RGR: variants seen among roughly 807,000 people sequenced by gnomAD.
The protein encoded by RGR is retinal G protein coupled receptor, also known as RPE-retinal G protein-coupled receptor.
RGR carries 30 observed loss-of-function variants against 28.6 expected under a neutral mutation model. The ratio of observed to expected loss-of-function variants is 1.05; its 90% confidence interval spans 0.78 to 1.42. The LOEUF (loss-of-function observed/expected upper bound fraction) is 1.42, where lower values mean the gene tolerates loss of function less well. Ranked by LOEUF, RGR falls within the 40% of genes most tolerant of loss-of-function variation. RGR has a pLI of 0.00. For synonymous variants in RGR, 180 were observed against 156.4 expected, an observed-to-expected ratio of 1.15 and a Z score of -1.13; for missense variants, 404 against 375.6, an observed-to-expected ratio of 1.08 and a Z score of -0.62.
chr10:84,247,894 T>C, intron 2 of RGR, 147 bp downstream of exon 2: 1 of 1,124,584 alleles, frequency 8.9e-7, no homozygotes. Flanking sequence ...TGGGCTGAAT[T>C]CCAGATTGAT....
chr10:84,251,695 A>G (rs1842820480), intron 3 of RGR, among the ~76,000 whole-genome samples: 1 of 152,206 alleles, frequency 6.6e-6, no homozygotes, highest in South Asian at 2.1e-4. Context: ...TGGCGCATGC[A>G]GCATGTCCAG....
rs887494499 is a variant in RGR, at chr10:84,254,218, TG to T, written c.513-104del. On this transcript the variant is annotated intron_variant, in intron 4 of 6. Transcript: ENST00000652092. ...CAACCACACTGCGAGCTTGTCTGAA[TG>T]GGGCATTTCCCCACAACCGATCATC... The T allele has an allele frequency of 1.5e-5, 14 of 949,752 alleles. No homozygotes were observed. In the Admixed American group the frequency reaches 1.7e-4, roughly 12 times the overall value. 58.8% of individuals were successfully genotyped at this position (949,752 alleles called of 1,614,324 possible).
Position 84,259,186 on chromosome 10 carries a change from A to C in RGR, c.*547A>C. On this transcript the variant is annotated 3_prime_UTR_variant, in exon 7 of 7. Transcript: ENST00000652092. The stretch of plus-strand genomic sequence containing the variant: ...AAAATAATGACCTCCAGTTTCATCC[A>C]TGTTGCTGCAAAAGACATGATCTCG... 6.0e-6 allele frequency: 1 copy of C among 167,050 alleles called. No homozygotes were observed. The highest frequency in any genetic ancestry group is 1.3e-5 in the Non-Finnish European group (1 of 75,438). 10.3% of individuals were successfully genotyped at this position (167,050 alleles called of 1,614,324 possible).
rs370093867 is a variant in RGR, at chr10:84,257,853, C to T, written c.631-40C>T. 1.0e-4 allele frequency: 162 copies of T among 1,592,814 alleles called. No homozygotes were observed. In the African/African-American group the frequency reaches 2.1e-3, roughly 20 times the overall value. On this transcript the variant is annotated intron_variant, in intron 5 of 6. Coordinates refer to ENST00000652092, the MANE Select transcript of RGR (RefSeq NM_001012720.2). ...TTGGCCACATAGGGCTGTGGGCCAC[C>T]TGGAGCAAGCTGACATCTCCTGTGA... is the stretch of plus-strand genomic sequence containing the variant.
Position 84,258,022 on chromosome 10 carries a change from G to C in RGR, c.744+16G>C. 6.2e-7 allele frequency: 1 copy of C among 1,604,386 alleles called. No individual in the cohort carries two copies. Among genetic ancestry groups the C allele is most frequent in the Non-Finnish European group, 8.5e-7 (1 of 1,171,348 alleles). Reference sequence around the variant, plus strand: ...ACTGCAGATGGTACAGATACTTCTAGTACCTAAAACTAGACCCCTCTCCAT... The same window carrying C: ...ACTGCAGATGGTACAGATACTTCTACTACCTAAAACTAGACCCCTCTCCAT... On this transcript the variant is annotated intron_variant, in intron 6 of 6. Coordinates refer to ENST00000652092, the MANE Select transcript of RGR (RefSeq NM_001012720.2).
intron 5 of RGR, 82 bp from the exon 6 acceptor site, chr10:84,257,811 G>C (rs1209082934): frequency 2.5e-6 from 3 of 1,192,724 alleles, no homozygotes; most frequent in Non-Finnish European, 2.5e-6. Context: ...GCCCTGCTGA[G>C]TGCTGACCTG....
chr10:84,247,847 G>C (rs1234087319), intron 2 of RGR, 100 bp downstream of exon 2: 3 of 1,569,934 alleles, frequency 1.9e-6, no homozygotes, highest in Non-Finnish European at 2.6e-6. Flanking sequence ...ACTACTTACA[G>C]AAAATTGGCC....
intron 1 of RGR, 34 bp from the exon 2 acceptor site, chr10:84,247,557 C>T: frequency 6.2e-7 from 1 of 1,612,802 alleles, no homozygotes. Context: ...TGGGCCTCAG[C>T]AGCCCCAATG....
Position 84,247,760 on chromosome 10 carries a change from T to A in RGR, c.236+13T>A, listed in dbSNP as rs749929574. ...CCAGCCTTCTCCGGTACCAGCCCCC[T>A]CCCCAGTCCACAGGCTCTGGGGTCC... On this transcript the variant is annotated intron_variant, in intron 2 of 6. Transcript: ENST00000652092. 1 of 1,613,886 alleles carries A rather than the reference T, an allele frequency of 6.2e-7. No individual in the cohort carries two copies. Among genetic ancestry groups the A allele is most frequent in the Admixed American group, 1.7e-5 (1 of 60,016 alleles).
At chr10:84,253,357 C>T (rs1197521544) in intron 4 of RGR, among the ~76,000 whole-genome samples, 1 of 152,180 alleles carries the variant, frequency 6.6e-6, no homozygotes, top group Non-Finnish European at 1.5e-5. Context: ...TGGCTCTGAC[C>T]TCATCAATTT....
Position 84,258,802 on chromosome 10 carries a change from A to G in RGR, c.*163A>G, listed in dbSNP as rs1842920884. On this transcript the variant is annotated 3_prime_UTR_variant, in exon 7 of 7. Coordinates refer to ENST00000652092, the MANE Select transcript of RGR (RefSeq NM_001012720.2). ...TTCAGAAAGACACCAGGCTGCACAG[A>G]AAGAGCCAGATGGACCTGAGTGTCG... 1 of 1,029,874 alleles carries G rather than the reference A, an allele frequency of 9.7e-7. No individual in the cohort carries two copies. Among genetic ancestry groups the G allele is most frequent in the Non-Finnish European group, 1.4e-6 (1 of 692,824 alleles). 63.8% of individuals were successfully genotyped at this position (1,029,874 alleles called of 1,614,324 possible). A position where few individuals can be genotyped will look rare whatever the true frequency, so the allele number is the denominator to read the frequency against.
chr10:84,247,764 C>T lies in RGR; in HGVS notation c.236+17C>T, dbSNP rs1026531588. On this transcript the variant is annotated intron_variant, in intron 2 of 6. Coordinates refer to ENST00000652092, the MANE Select transcript of RGR (RefSeq NM_001012720.2). ...CCTTCTCCGGTACCAGCCCCCTCCC[C>T]AGTCCACAGGCTCTGGGGTCCTGCC... 6.2e-7 allele frequency: 1 copy of T among 1,614,044 alleles called. No homozygotes were observed. The highest frequency in any genetic ancestry group is 8.5e-7 in the Non-Finnish European group (1 of 1,179,966).
intron 5 of RGR, among the ~76,000 whole-genome samples, chr10:84,254,741 G>A (rs1842862602): frequency 6.6e-6 from 1 of 152,074 alleles, no homozygotes; most frequent in Non-Finnish European, 1.5e-5. Flanking sequence ...TTGATAGGTG[G>A]GTTGCTTATG....
intron 3 of RGR, among the ~76,000 whole-genome samples, chr10:84,250,194 C>T (rs1056576403): frequency 6.6e-6 from 1 of 152,150 alleles, no homozygotes; most frequent in Admixed American, 6.5e-5. Context: ...GACCTGGTAC[C>T]TCCAAGTCCT....
chr10:84,252,935 C>T lies in RGR; in HGVS notation c.437C>T (p.Pro146Leu). ...TCTTCTGCCTTCTGGGCAGCTCTGC[C>T]CCTTCTGGGTTGGGGTCACTACGAC... ...WLSSAFWAAL[P>L]LLGWGHYDYE... Residue 146 changes from proline (P) to leucine (L), a missense_variant, in exon 4 of 7, where the codon CCC (proline) becomes CTC (leucine). Physicochemically the swap from Pro to Leu is moderately conservative, Grantham distance 98. Coordinates refer to ENST00000652092, the MANE Select transcript of RGR (RefSeq NM_001012720.2). The T allele has an allele frequency of 6.2e-7, 1 of 1,614,080 alleles. No individual in the cohort carries two copies. Among genetic ancestry groups the T allele is most frequent in the Non-Finnish European group, 8.5e-7 (1 of 1,180,044 alleles).
Position 84,258,856 on chromosome 10 carries a change from A to G in RGR, c.*217A>G. The G allele has an allele frequency of 1.6e-6, 1 of 615,172 alleles. No homozygotes were observed. The highest frequency in any genetic ancestry group is 2.8e-6 in the Non-Finnish European group (1 of 351,840). 38.1% of individuals were successfully genotyped at this position (615,172 alleles called of 1,614,324 possible). A position where few individuals can be genotyped will look rare whatever the true frequency, so the allele number is the denominator to read the frequency against. The stretch of plus-strand genomic sequence containing the variant: ...ACAGCCCCCTACACTCAAGGCTGAG[A>G]GGCCTCAGGAAAGTCATTCCTTTTT... On this transcript the variant is annotated 3_prime_UTR_variant, in exon 7 of 7. Coordinates refer to ENST00000652092, the MANE Select transcript of RGR (RefSeq NM_001012720.2).
chr10:84,256,116 G>A (rs1241534984), intron 5 of RGR, among the ~76,000 whole-genome samples: 1 of 118,998 alleles, frequency 8.4e-6, no homozygotes, highest in African/African-American at 3.3e-5. Flanking sequence ...TGTTGCCCAG[G>A]CTGGAGTGCA....
chr10:84,253,538 G>A (rs540162049), intron 4 of RGR, among the ~76,000 whole-genome samples: 1 of 152,158 alleles, frequency 6.6e-6, no homozygotes, highest in Non-Finnish European at 1.5e-5. Context: ...CCCATCAGGA[G>A]GCTCTAGGGA....
chr10:84,258,089 G>A, intron 6 of RGR, 83 bp downstream of exon 6: 1 of 1,206,964 alleles, frequency 8.3e-7, no homozygotes. Context: ...CTGGATTTAT[G>A]ACCTCTGTGT....
Sources: allele counts gnomAD v4.1 joint callset (sites outside exome capture counted in the v4.1 genomes callset), GRCh38; gene constraint gnomAD v4.1.1; transcripts MANE v1.5; gene names NCBI Gene and HGNC (gene_info 2026-07-23, HGNC 2026-07-21).